Variants in MALRD1 observed in about 807,000 individuals in gnomAD.
MALRD1 encodes the protein MAM and LDL receptor class A domain containing 1, also known as MAM and LDL-receptor class A domain-containing protein 1.
In MALRD1, 247 loss-of-function variants were observed where a neutral mutation model predicts 242.1. The ratio of observed to expected loss-of-function variants is 1.02; its 90% confidence interval spans 0.92 to 1.13. MALRD1 has a LOEUF of 1.13. MALRD1 is among the 50% of genes most tolerant of loss of function. The pLI, the probability that MALRD1 is intolerant of heterozygous loss-of-function variation, is 0.00. For missense variants in MALRD1, 2,989 were observed against 2,533.1 expected (o/e 1.18, Z -3.86); for synonymous variants, 995 against 866.6 (o/e 1.15, Z -2.60).
At chr10:19,197,920 A>G (rs185554292) in intron 14 of MALRD1, among the ~76,000 whole-genome samples, 10 of 152,224 alleles carry the variant, frequency 6.6e-5, no homozygotes, top group Admixed American at 2.0e-4. Flanking sequence ...TATAGCATGT[A>G]TTTGCTAAGT....
chr10:19,257,245 C>G (rs1480996169), intron 18 of MALRD1, among the ~76,000 whole-genome samples: 2 of 151,952 alleles, frequency 1.3e-5, no homozygotes, highest in African/African-American at 4.8e-5. Flanking sequence ...TATATCCTAG[C>G]AAGTAACTCT....
At chr10:19,078,666 G>A (rs1835392384) in intron 2 of MALRD1, among the ~76,000 whole-genome samples, 1 of 151,764 alleles carries the variant, frequency 6.6e-6, no homozygotes, top group Admixed American at 6.6e-5. Flanking sequence ...TTTGTTTGTG[G>A]AAAGATTTTT....
intron 28 of MALRD1, among the ~76,000 whole-genome samples, chr10:19,435,799 C>A (rs1009968612): frequency 6.6e-6 from 1 of 152,106 alleles, no homozygotes; most frequent in Non-Finnish European, 1.5e-5. Context: ...GTGCAGCCCA[C>A]GCTCAAGGAG....
intron 36 of MALRD1, among the ~76,000 whole-genome samples, chr10:19,623,378 A>G (rs1480269403): frequency 6.6e-6 from 1 of 152,140 alleles, no homozygotes; most frequent in Non-Finnish European, 1.5e-5. Context: ...TGATGCTGCT[A>G]TTTATCAGTG....
At chr10:19,687,243 G>T (rs535634395) in intron 36 of MALRD1, among the ~76,000 whole-genome samples, 12 of 151,878 alleles carry the variant, frequency 7.9e-5, no homozygotes, top group Non-Finnish European at 1.6e-4. Context: ...TTACACAAGG[G>T]GCAGAATCAT....
chr10:19,404,972 A>G (rs1288392918), intron 28 of MALRD1, among the ~76,000 whole-genome samples: 1 of 152,152 alleles, frequency 6.6e-6, no homozygotes. Context: ...TGCATCCATG[A>G]AAATGCATGT....
intron 26 of MALRD1, among the ~76,000 whole-genome samples, chr10:19,353,303 A>AG (rs1338014046): frequency 6.6e-5 from 10 of 152,170 alleles, no homozygotes; most frequent in African/African-American, 2.4e-4. Flanking sequence ...CACCATGCCC[A>AG]GCAGATATTA....
chr10:19,191,486 T>G (rs72792617), intron 14 of MALRD1, among the ~76,000 whole-genome samples: 9,830 of 152,208 alleles, frequency 0.065, 434 homozygotes, highest in Middle Eastern at 0.11. Flanking sequence ...AATTCCAGTT[T>G]TGGGTATATA....
At chr10:19,391,633 C>A (rs1264780654) in intron 28 of MALRD1, among the ~76,000 whole-genome samples, 1 of 152,188 alleles carries the variant, frequency 6.6e-6, no homozygotes, top group Admixed American at 6.5e-5. Context: ...TCCCTCCACA[C>A]CGAGTCGCAC....
Position 19,708,305 on chromosome 10 carries a change from T to G in MALRD1, c.6314+15751T>G, listed in dbSNP as rs145831327. ...CCATGACTACATATGATGTTATGTG[T>G]TTTTTTTTTTAACCTTCTTTTTCTT... On this transcript the variant is annotated intron_variant, in intron 38 of 39. Coordinates refer to ENST00000454679, the MANE Select transcript of MALRD1 (RefSeq NM_001142308.3). Among the ~76,000 whole-genome samples the G allele has an allele frequency of 1.5e-4, 17 of 112,312 alleles. 3 individuals carry two copies. Among genetic ancestry groups the G allele is most frequent in the South Asian group, 3.4e-4 (1 of 2,924 alleles). 73.7% of individuals were successfully genotyped at this position (112,312 alleles called of 152,430 possible).
chr10:19,108,041 G>A (rs1046446693), intron 5 of MALRD1, among the ~76,000 whole-genome samples: 7 of 152,148 alleles, frequency 4.6e-5, no homozygotes, highest in South Asian at 2.1e-4. Flanking sequence ...TTTGTCCCAA[G>A]GCTTGGGAGG....
chr10:19,734,134 TC>T (rs1356666210), intron 39 of MALRD1, 22 bp from the exon 40 acceptor site: 2 of 1,518,162 alleles, frequency 1.3e-6, no homozygotes, highest in East Asian at 2.5e-5. Context: ...TTCCACCCTT[TC>T]AAATGTGTTT....
intron 1 of MALRD1, among the ~76,000 whole-genome samples, chr10:19,056,658 A>G (rs531753094): frequency 7.2e-5 from 11 of 151,962 alleles, no homozygotes; most frequent in African/African-American, 2.4e-4. Context: ...TTTCTTTCTG[A>G]CCTGAATTCC....
At chr10:19,140,011 C>G (rs532541197) in intron 10 of MALRD1, among the ~76,000 whole-genome samples, 69 of 152,128 alleles carry the variant, frequency 4.5e-4, no homozygotes, top group Non-Finnish European at 8.2e-4. Flanking sequence ...ACTCTGTTTA[C>G]TTTGCTAGTC....
intron 28 of MALRD1, among the ~76,000 whole-genome samples, chr10:19,448,423 G>T (rs944998379): frequency 1.3e-5 from 2 of 150,590 alleles, no homozygotes; most frequent in African/African-American, 5.0e-5. Context: ...AAACATAATA[G>T]TGTGTATATA....
intron 26 of MALRD1, among the ~76,000 whole-genome samples, chr10:19,371,411 A>G (rs888109009): frequency 6.6e-6 from 1 of 152,224 alleles, no homozygotes; most frequent in Non-Finnish European, 1.5e-5. Context: ...AAGAGATTTT[A>G]TCATCATTGA....
intron 12 of MALRD1, among the ~76,000 whole-genome samples, chr10:19,160,315 C>T (rs539176319): frequency 4.1e-4 from 57 of 139,902 alleles, no homozygotes; most frequent in African/African-American, 1.3e-3. Context: ...ATGAAGCCCA[C>T]TTGATCATGG....
intron 19 of MALRD1, among the ~76,000 whole-genome samples, chr10:19,270,687 C>G (rs1303529635): frequency 3.9e-5 from 6 of 152,010 alleles, no homozygotes; most frequent in Non-Finnish European, 7.4e-5. Flanking sequence ...GACTGCTTAA[C>G]AGCAAGAACA....
At chr10:19,419,311 T>G (rs1833630133) in intron 28 of MALRD1, among the ~76,000 whole-genome samples, 1 of 152,152 alleles carries the variant, frequency 6.6e-6, no homozygotes, top group African/African-American at 2.4e-5. Context: ...GTTTGTTTGT[T>G]TGAGACTGAG....
Sources: gnomAD v4.1 joint callset for allele counts (sites outside exome capture counted in the v4.1 genomes callset) on GRCh38, gnomAD v4.1.1 for gene constraint, MANE v1.5 for transcripts, NCBI Gene and HGNC (gene_info 2026-07-23, HGNC 2026-07-21) for gene names.